Variants in GTF2F2 observed in about 807,000 individuals in gnomAD.
GTF2F2 encodes ATP-dependent helicase GTF2F2.
Under a neutral mutation model 42.2 loss-of-function variants are expected in GTF2F2, and 23 were observed. That is an observed-to-expected ratio of 0.55 (90% CI 0.39 to 0.77). The LOEUF is 0.77. Ranked by LOEUF, GTF2F2 falls within the 30% of genes least tolerant of loss-of-function variation. The probability of loss-of-function intolerance (pLI) is 0.00; values close to 1 mark genes in which losing one functional copy is unlikely to be tolerated. For synonymous variants in GTF2F2, 105 were observed against 100.8 expected, an observed-to-expected ratio of 1.04 and a Z score of -0.25; for missense variants, 261 against 287.2, an observed-to-expected ratio of 0.91 and a Z score of 0.66.
chr13:45,150,795 C>T (rs763901939), intron 3 of GTF2F2, among the ~76,000 whole-genome samples: 1 of 151,270 alleles, frequency 6.6e-6, no homozygotes, highest in Non-Finnish European at 1.5e-5. Flanking sequence ...CAGCCCACCT[C>T]GGCCTCTCAA....
At chr13:45,219,166 T>TA (rs35228986) in intron 5 of GTF2F2, among the ~76,000 whole-genome samples, 75,228 of 150,152 alleles carry the variant, frequency 0.5, 18,966 homozygotes, top group East Asian at 0.74. Flanking sequence ...TGACTATCCT[T>TA]AAAAAAAAAA....
intron 1 of GTF2F2, chr13:45,122,990 T>G (rs1868740361): frequency 6.6e-6 from 1 of 151,884 alleles, no homozygotes; most frequent in Non-Finnish European, 1.5e-5. Flanking sequence ...GAAGGTGACG[T>G]TTAAGAAAAG....
At chr13:45,184,060 T>G (rs1022553572) in intron 4 of GTF2F2, among the ~76,000 whole-genome samples, 4 of 151,998 alleles carry the variant, frequency 2.6e-5, no homozygotes, top group African/African-American at 9.7e-5. Context: ...GATTTCACCA[T>G]GTTGGCCAGG....
At chr13:45,275,253 G>T (rs1302537362) in intron 7 of GTF2F2, among the ~76,000 whole-genome samples, 1 of 152,070 alleles carries the variant, frequency 6.6e-6, no homozygotes, top group Non-Finnish European at 1.5e-5. Context: ...AGGACCTTCT[G>T]CAAATACCAA....
chr13:45,219,671 T>G (rs961169054), intron 5 of GTF2F2: 1 of 152,242 alleles, frequency 6.6e-6, no homozygotes, highest in Non-Finnish European at 1.5e-5. Flanking sequence ...TTCTGAAGTT[T>G]ATGTGAAATC....
rs1462104520 is a variant in GTF2F2 at position 45,120,628 on chromosome 13, C to T, written c.-28C>T. ...GCGGCTCCTGGGGTCGCTGCTGCAT[C>T]CCGCACGCCTCCACCGGCTGCAGAC... On this transcript the variant is annotated 5_prime_UTR_variant, in exon 1 of 8. Coordinates refer to ENST00000340473, the MANE Select transcript of GTF2F2 (RefSeq NM_004128.3). The T allele has an allele frequency of 1.3e-6, 2 of 1,542,524 alleles. No individual in the cohort carries two copies. Among genetic ancestry groups the T allele is most frequent in the Middle Eastern group, 1.7e-4 (1 of 5,836 alleles).
intron 3 of GTF2F2, 139 bp downstream of exon 3, chr13:45,149,927 A>C: frequency 1.4e-6 from 1 of 703,396 alleles, no homozygotes; most frequent in Non-Finnish European, 2.1e-6. Context: ...AAAGGTATAA[A>C]TGCCACCCTT....
intron 5 of GTF2F2, among the ~76,000 whole-genome samples, chr13:45,249,056 T>C (rs191029032): frequency 1.3e-5 from 2 of 152,278 alleles, no homozygotes; most frequent in African/African-American, 4.8e-5. Context: ...TAGATAAACC[T>C]TACCTTGACT....
intron 7 of GTF2F2, among the ~76,000 whole-genome samples, chr13:45,282,648 G>A (rs1020738336): frequency 7.2e-5 from 11 of 152,120 alleles, no homozygotes; most frequent in African/African-American, 2.7e-4. Context: ...GGGATTACAG[G>A]TTCCCACCAC....
chr13:45,186,381 T>G (rs1040283818), intron 4 of GTF2F2, among the ~76,000 whole-genome samples: 1 of 150,366 alleles, frequency 6.7e-6, no homozygotes, highest in Non-Finnish European at 1.5e-5. Flanking sequence ...AACCTCCACC[T>G]CCTAGGTTCA....
At chr13:45,245,138 G>A (rs747313099) in intron 5 of GTF2F2, among the ~76,000 whole-genome samples, 9 of 152,070 alleles carry the variant, frequency 5.9e-5, no homozygotes, top group Non-Finnish European at 1.3e-4. Flanking sequence ...AACTGGAATA[G>A]TTTTTCTACA....
At chr13:45,273,514 T>G (rs1272979448) in intron 7 of GTF2F2, among the ~76,000 whole-genome samples, 1 of 152,054 alleles carries the variant, frequency 6.6e-6, no homozygotes, top group Non-Finnish European at 1.5e-5. Flanking sequence ...TAAACAAAAT[T>G]TGGTATTTAT....
At chr13:45,194,177 C>G (rs201038607) in intron 4 of GTF2F2, 1 of 1,614,100 alleles carries the variant, frequency 6.2e-7, no homozygotes, top group East Asian at 2.2e-5. Flanking sequence ...TGTTCTTTCT[C>G]CCACCTGGAT....
At chr13:45,164,116 C>A (rs2138135368) in intron 4 of GTF2F2, among the ~76,000 whole-genome samples, 2 of 152,226 alleles carry the variant, frequency 1.3e-5, no homozygotes, top group African/African-American at 4.8e-5. Flanking sequence ...CCCGTCTCTA[C>A]TAAAAATACA....
rs1491244364 is a variant in GTF2F2, at chr13:45,167,230, CTA to C, written c.304+15401_304+15402del. On this transcript the variant is annotated intron_variant, in intron 4 of 7. Coordinates refer to ENST00000340473, the MANE Select transcript of GTF2F2 (RefSeq NM_004128.3). ...GACACATACTATACATACTATTTTA[CTA>C]TTTTTTTTTTTTTTTTTTTAAAGAT... Among the ~76,000 whole-genome samples the C allele has an allele frequency of 1.3e-4, 18 of 140,692 alleles. No homozygotes were observed. The South Asian group carries it at 3.7e-3, about 29-fold the overall frequency. 92.3% of individuals were successfully genotyped at this position (140,692 alleles called of 152,430 possible).
intron 4 of GTF2F2, among the ~76,000 whole-genome samples, chr13:45,185,075 G>T (rs1872354671): frequency 6.6e-6 from 1 of 152,018 alleles, no homozygotes; most frequent in South Asian, 2.1e-4. Flanking sequence ...CTCCATCCTT[G>T]GCCTTTGAAA....
rs1157972776 is a variant in GTF2F2 at position 45,278,816 on chromosome 13, CTTTTTT to C, written c.631-4606_631-4601del. Among the ~76,000 whole-genome samples the C allele has an allele frequency of 6.7e-3, 415 of 62,284 alleles. 1 individual carries two copies. The highest frequency in any genetic ancestry group is 0.021 in the African/African-American group (297 of 14,364). The allele number at this position is 62,284 out of a possible 152,430, so 40.9% of individuals were successfully genotyped here. A position where few individuals can be genotyped will look rare whatever the true frequency, so the allele number is the denominator to read the frequency against. On this transcript the variant is annotated intron_variant, in intron 7 of 7. Transcript: ENST00000340473. ...CCTGCCAATTTGCCTTTTTCTTTTT[CTTTTTT>C]TTTTTTTTTTTTTTTTTTTGAGGTG...
intron 5 of GTF2F2, among the ~76,000 whole-genome samples, chr13:45,210,865 G>A (rs1046733517): frequency 1.3e-5 from 2 of 152,192 alleles, no homozygotes; most frequent in African/African-American, 4.8e-5. Flanking sequence ...AGATCATTCT[G>A]GCCATAGTAT....
chr13:45,267,016 G>A (rs1353745032), intron 6 of GTF2F2, among the ~76,000 whole-genome samples: 1 of 152,156 alleles, frequency 6.6e-6, no homozygotes, highest in African/African-American at 2.4e-5. Context: ...AGGCGTAGTG[G>A]CGGGCACCTG....
Sources: allele counts gnomAD v4.1 joint callset (sites outside exome capture counted in the v4.1 genomes callset), GRCh38; gene constraint gnomAD v4.1.1; transcripts MANE v1.5; gene names NCBI Gene and HGNC (gene_info 2026-07-23, HGNC 2026-07-21).